Variants in UTY observed in about 807,000 individuals in gnomAD.
UTY encodes histone demethylase UTY.
Under a neutral mutation model 32.5 loss-of-function variants are expected in UTY, and 12 were observed. That is an observed-to-expected ratio of 0.37 (90% CI 0.24 to 0.60). The LOEUF (loss-of-function observed/expected upper bound fraction) is 0.60. UTY is among the 20% of genes least tolerant of loss of function. The pLI is 0.69. For synonymous variants in UTY, 131 were observed against 103.4 expected, an observed-to-expected ratio of 1.27 and a Z score of -1.62; for missense variants, 303 against 299.2, an observed-to-expected ratio of 1.01 and a Z score of -0.09.
intron 3 of UTY, among the ~76,000 whole-genome samples, chrY:13,465,924 T>C (rs2077875452): frequency 3.0e-5 from 1 of 33,310 alleles, no homozygotes; most frequent in Non-Finnish European, 7.4e-5. Context: ...CCTCATCATC[T>C]TAGGATGTTG....
At chrY:13,377,780 T>C (rs2065553858) in intron 8 of UTY, among the ~76,000 whole-genome samples, 1 of 33,588 alleles carries the variant, frequency 3.0e-5, no homozygotes, top group East Asian at 7.6e-4. Flanking sequence ...CTATGGCAAA[T>C]ATGAATTTCC....
At chrY:13,303,403 A>G in intron 24 of UTY, among the ~76,000 whole-genome samples, 11 of 33,819 alleles carry the variant, frequency 3.3e-4, no homozygotes. Context: ...CCATGGTGAA[A>G]GAGTTAGAAA....
At chrY:13,467,050 C>T in intron 3 of UTY, among the ~76,000 whole-genome samples, 1 of 33,461 alleles carries the variant, frequency 3.0e-5, no homozygotes, top group South Asian at 6.6e-4. Flanking sequence ...GGATTACAGG[C>T]GCATGCCACC....
chrY:13,287,794 C>A (rs946218418), intron 27 of UTY, among the ~76,000 whole-genome samples: 10 of 32,481 alleles, frequency 3.1e-4, no homozygotes, highest in Non-Finnish European at 6.8e-4. Context: ...AGGCTGCAAC[C>A]CCTTGAAATT....
At chrY:13,428,286 G>A in intron 4 of UTY, among the ~76,000 whole-genome samples, 1 of 33,721 alleles carries the variant, frequency 3.0e-5, no homozygotes, top group African/African-American at 1.2e-4. Flanking sequence ...CTTCAGAAGA[G>A]TTTGTCCTAA....
chrY:13,407,582 T>C (rs776942110), intron 6 of UTY, among the ~76,000 whole-genome samples: 2 of 32,578 alleles, frequency 6.1e-5, no homozygotes, highest in South Asian at 1.3e-3. Flanking sequence ...AGTCACTATG[T>C]CCTAGATGTG....
intron 27 of UTY, among the ~76,000 whole-genome samples, chrY:13,261,543 A>G (rs750430017): frequency 1.5e-4 from 5 of 33,261 alleles, no homozygotes; most frequent in Admixed American, 5.5e-4. Flanking sequence ...AAAATTTTAC[A>G]ATATACATTA....
In UTY at chrY:13,441,405, C is replaced by A. The variant is rs562731381; in HGVS notation, c.375+7612G>T. ...ATGGAGGATAGATGGCATTGGGAGG[C>A]AAAAGAATTGCTTCCCCAGGACAAC... On this transcript the variant is annotated intron_variant, in intron 4 of 29. Coordinates refer to ENST00000545955, the MANE Select transcript of UTY (RefSeq NM_001258249.2). Among the ~76,000 whole-genome samples, 186 of 32,562 alleles carry A rather than the reference C, an allele frequency of 5.7e-3. No individual in the cohort carries two copies. The South Asian group carries it at 0.12, about 22-fold the overall frequency. 87.4% of individuals were successfully genotyped at this position (32,562 alleles called of 37,273 possible). A position where few individuals can be genotyped will look rare whatever the true frequency, so the allele number is the denominator to read the frequency against.
chrY:13,368,397 T>C (rs2064488141), intron 9 of UTY, among the ~76,000 whole-genome samples: 1 of 30,453 alleles, frequency 3.3e-5, no homozygotes, highest in African/African-American at 1.3e-4. Flanking sequence ...TTGTTTGTTC[T>C]GAGACAGAGT....
chrY:13,334,844 G>C, intron 18 of UTY, among the ~76,000 whole-genome samples: 1 of 33,527 alleles, frequency 3.0e-5, no homozygotes, highest in Non-Finnish European at 7.4e-5. Flanking sequence ...TCTATTACTA[G>C]GTATATACCC....
At chrY:13,302,508 G>A in intron 25 of UTY, among the ~76,000 whole-genome samples, 1 of 33,473 alleles carries the variant, frequency 3.0e-5, no homozygotes, top group Non-Finnish European at 7.4e-5. Flanking sequence ...GCATGATCAT[G>A]GCTCACTGCA....
intron 21 of UTY, among the ~76,000 whole-genome samples, chrY:13,306,451 C>T: frequency 3.0e-5 from 1 of 33,281 alleles, no homozygotes; most frequent in Non-Finnish European, 7.4e-5. Flanking sequence ...TCACGGTACT[C>T]AACATCCTCC....
At chrY:13,318,158 AAATAATAAT>A in intron 21 of UTY, among the ~76,000 whole-genome samples, 2 of 23,754 alleles carry the variant, frequency 8.4e-5, no homozygotes, top group African/African-American at 2.5e-4. Context: ...AAACTGTCTC[AAATAATAAT>A]AATAATAATA....
chrY:13,458,549 G>GC (rs2077044712), intron 3 of UTY, among the ~76,000 whole-genome samples: 1 of 33,559 alleles, frequency 3.0e-5, no homozygotes, highest in Non-Finnish European at 7.4e-5. Context: ...TTTTTTGGCT[G>GC]CATAAATGTC....
At chrY:13,287,336 A>G in intron 27 of UTY, 2 of 376,333 alleles carry the variant, frequency 5.3e-6, no homozygotes, top group Non-Finnish European at 7.6e-6. Context: ...TTACAGAAGC[A>G]GAGATTGATG....
intron 17 of UTY, among the ~76,000 whole-genome samples, chrY:13,350,936 GA>G (rs2149179492): frequency 3.0e-5 from 1 of 32,971 alleles, no homozygotes; most frequent in East Asian, 8.1e-4. Context: ...AAAGGGACAG[GA>G]ATTGCTCACT....
intron 27 of UTY, among the ~76,000 whole-genome samples, chrY:13,282,748 A>G: frequency 5.9e-5 from 2 of 33,878 alleles, no homozygotes; most frequent in Admixed American, 2.6e-4. Flanking sequence ...GGTATCTGAG[A>G]GGCTTTATCA....
At chrY:13,458,093 T>A (rs2076923985) in intron 3 of UTY, among the ~76,000 whole-genome samples, 1 of 33,963 alleles carries the variant, frequency 2.9e-5, no homozygotes, top group Non-Finnish European at 7.3e-5. Context: ...AAACGGAGTA[T>A]ACATAGAAAC....
intron 4 of UTY, among the ~76,000 whole-genome samples, chrY:13,427,739 T>C: frequency 3.0e-5 from 1 of 33,641 alleles, no homozygotes; most frequent in East Asian, 7.7e-4. Context: ...TGCCACACAA[T>C]CATGATTTTC....
Sources: gnomAD v4.1 joint callset for allele counts (sites outside exome capture counted in the v4.1 genomes callset) on GRCh38, gnomAD v4.1.1 for gene constraint, MANE v1.5 for transcripts, NCBI Gene and HGNC (gene_info 2026-07-23, HGNC 2026-07-21) for gene names.